Variants in TFG observed in about 807,000 individuals in gnomAD.
TFG encodes protein TFG.
A neutral mutation model predicts 51.4 loss-of-function variants in TFG; 22 were observed. The ratio of observed to expected loss-of-function variants is 0.43; its 90% confidence interval spans 0.31 to 0.61. The LOEUF is 0.61. TFG is among the 20% of genes least tolerant of loss of function. The pLI is 0.12. For synonymous variants in TFG, 187 were observed against 165.6 expected (o/e 1.13, Z -0.99); for missense variants, 419 against 487.7 (o/e 0.86, Z 1.33).
chr3:100,734,506 T>C (rs1401025939), intron 5 of TFG, among the ~76,000 whole-genome samples: 1 of 152,236 alleles, frequency 6.6e-6, no homozygotes. Context: ...TTTCTGCCAT[T>C]GGAGCTGCAG....
intron 2 of TFG, among the ~76,000 whole-genome samples, chr3:100,714,674 T>C (rs2095040816): frequency 6.6e-6 from 1 of 152,184 alleles, no homozygotes; most frequent in Non-Finnish European, 1.5e-5. Context: ...AAGGTTTTAG[T>C]ATGTATTGAA....
Position 100,732,924 on chromosome 3 carries a change from G to A in TFG, c.580+252G>A, listed in dbSNP as rs116776998. On this transcript the variant is annotated intron_variant, in intron 5 of 7. Transcript: ENST00000240851. The stretch of plus-strand genomic sequence containing the variant: ...CAAGAGTAGCACCCTCCCCCTTAAA[G>A]AATAAGCACTGTTGGGTTCAAGTAA... Among the ~76,000 whole-genome samples, 2,215 of 152,166 alleles carry A rather than the reference G, an allele frequency of 0.015. 50 individuals carry two copies. The highest frequency in any genetic ancestry group is 0.05 in the African/African-American group (2,091 of 41,514).
intron 7 of TFG, among the ~76,000 whole-genome samples, chr3:100,747,911 A>G (rs1262874700): frequency 6.6e-6 from 1 of 152,162 alleles, no homozygotes; most frequent in Admixed American, 6.5e-5. Flanking sequence ...GAATTATGCT[A>G]TGTCAGGAAT....
chr3:100,735,461 A>G (rs1188449632), intron 5 of TFG, among the ~76,000 whole-genome samples: 2 of 152,182 alleles, frequency 1.3e-5, no homozygotes, highest in African/African-American at 4.8e-5. Context: ...CATAATCCTC[A>G]CAATAACCTT....
At chr3:100,725,734 A>G (rs762125227) in intron 3 of TFG, among the ~76,000 whole-genome samples, 2 of 151,828 alleles carry the variant, frequency 1.3e-5, no homozygotes, top group Admixed American at 6.6e-5. Context: ...CAGAGGTTGC[A>G]GTGAGCCAAG....
chr3:100,713,653 G>T lies in TFG; in HGVS notation c.-33G>T. On this transcript the variant is annotated 5_prime_UTR_variant, in exon 2 of 8. Transcript: ENST00000240851. ...AACCACTTTTATCAGTCTTTCTCTAGAGTTGTATATATAGAACATCCTGGA... is the reference window on the plus strand; with the variant it reads ...AACCACTTTTATCAGTCTTTCTCTATAGTTGTATATATAGAACATCCTGGA... 6.9e-7 allele frequency: 1 copy of T among 1,442,112 alleles called. No individual in the cohort carries two copies. Among genetic ancestry groups the T allele is most frequent in the South Asian group, 1.5e-5 (1 of 64,650 alleles). 89.3% of individuals were successfully genotyped at this position (1,442,112 alleles called of 1,614,324 possible).
chr3:100,742,850 TG>T (rs1262753104), intron 6 of TFG: 1 of 151,920 alleles, frequency 6.6e-6, no homozygotes, highest in Non-Finnish European at 1.5e-5. Context: ...ACTCTAGGGA[TG>T]TTTTTCAAAA....
At chr3:100,721,885 T>G (rs2095061691) in intron 3 of TFG, among the ~76,000 whole-genome samples, 1 of 152,258 alleles carries the variant, frequency 6.6e-6, no homozygotes, top group Non-Finnish European at 1.5e-5. Flanking sequence ...CCGTGGTGGC[T>G]CACGCCTGTA....
chr3:100,738,984 A>G (rs566694870), intron 6 of TFG, among the ~76,000 whole-genome samples: 1 of 152,320 alleles, frequency 6.6e-6, no homozygotes, highest in African/African-American at 2.4e-5. Context: ...AACAAACAAC[A>G]TATCACATTT....
intron 5 of TFG, among the ~76,000 whole-genome samples, chr3:100,733,605 C>T (rs941213765): frequency 6.6e-5 from 10 of 152,050 alleles, no homozygotes; most frequent in Non-Finnish European, 1.5e-4. Flanking sequence ...GACTGGGTTC[C>T]TCTCCCCCAC....
intron 1 of TFG, 47 bp from the exon 2 acceptor site, chr3:100,713,596 T>A: frequency 1.1e-6 from 1 of 940,694 alleles, no homozygotes; most frequent in Non-Finnish European, 1.5e-6. Context: ...TGCTCTCAAC[T>A]TTTACGGTAT....
chr3:100,742,685 G>A (rs1421871132), intron 6 of TFG: 17 of 152,084 alleles, frequency 1.1e-4, no homozygotes, highest in Admixed American at 1.1e-3. Flanking sequence ...GGGAGAATGT[G>A]CAGACTCTAC....
At chr3:100,743,684 A>G (rs1310834468) in intron 6 of TFG, 1 of 152,156 alleles carries the variant, frequency 6.6e-6, no homozygotes, top group Non-Finnish European at 1.5e-5. Context: ...AGCACTAAAA[A>G]CTTAGACACG....
chr3:100,726,795 G>T (rs1033143995), intron 3 of TFG, among the ~76,000 whole-genome samples: 2 of 152,216 alleles, frequency 1.3e-5, no homozygotes, highest in South Asian at 2.1e-4. Flanking sequence ...GCTTGGGTTT[G>T]TGTTACCTGA....
At chr3:100,729,551 A>T (rs910859879) in intron 4 of TFG, among the ~76,000 whole-genome samples, 1 of 151,698 alleles carries the variant, frequency 6.6e-6, no homozygotes, top group Non-Finnish European at 1.5e-5. Flanking sequence ...TCTTCTTTTA[A>T]GATTCTTAGA....
intron 3 of TFG, among the ~76,000 whole-genome samples, chr3:100,727,769 G>GA: frequency 6.6e-6 from 1 of 152,192 alleles, no homozygotes; most frequent in Admixed American, 6.5e-5. Context: ...ACTGTTTCTG[G>GA]AAGTAACTGC....
At chr3:100,717,064 C>T (rs1455839176) in intron 2 of TFG, among the ~76,000 whole-genome samples, 1 of 152,076 alleles carries the variant, frequency 6.6e-6, no homozygotes, top group Non-Finnish European at 1.5e-5. Flanking sequence ...TTTATTTTTG[C>T]TTTTATTGAC....
At chr3:100,736,789 C>T (rs2095107795) in intron 6 of TFG, 73 bp downstream of exon 6, 1 of 1,490,520 alleles carries the variant, frequency 6.7e-7, no homozygotes, top group African/African-American at 1.4e-5. Flanking sequence ...TTGTTGTAAA[C>T]ACTTCATGTA....
At chr3:100,733,345 C>T (rs899730418) in intron 5 of TFG, among the ~76,000 whole-genome samples, 22 of 152,196 alleles carry the variant, frequency 1.4e-4, no homozygotes, top group African/African-American at 5.1e-4. Flanking sequence ...TTCAAGGTCG[C>T]TGTGATTTCT....
Sources: gnomAD v4.1 joint callset for allele counts (sites outside exome capture counted in the v4.1 genomes callset) on GRCh38, gnomAD v4.1.1 for gene constraint, MANE v1.5 for transcripts, NCBI Gene and HGNC (gene_info 2026-07-23, HGNC 2026-07-21) for gene names.